Variants in GALNT17 observed in about 807,000 individuals in gnomAD.
GALNT17 encodes UDP-GalNAc:polypeptide N-acetylgalactosaminyltransferase-like 3.
In GALNT17, 29 loss-of-function variants were observed where a neutral mutation model predicts 63.7. The ratio of observed to expected loss-of-function variants is 0.46; its 90% CI spans 0.34 to 0.62. The LOEUF (loss-of-function observed/expected upper bound fraction) is 0.62. Among genes scored for constraint, GALNT17 ranks in the 20% least tolerant of loss-of-function variants. The pLI, the probability that GALNT17 is intolerant of heterozygous loss-of-function variation, is 0.01. For missense variants in GALNT17, 603 were observed against 799.6 expected (o/e 0.75, Z 2.97); for synonymous variants, 305 against 318.3 (o/e 0.96, Z 0.45).
intron 9 of GALNT17, among the ~76,000 whole-genome samples, chr7:71,683,464 A>T (rs376743782): frequency 6.6e-6 from 1 of 152,162 alleles, no homozygotes; most frequent in Non-Finnish European, 1.5e-5. Context: ...TTGGTGCTCC[A>T]CGGACATCGC....
At chr7:71,569,000 C>T (rs1789394046) in intron 5 of GALNT17, among the ~76,000 whole-genome samples, 1 of 152,120 alleles carries the variant, frequency 6.6e-6, no homozygotes, top group South Asian at 2.1e-4. Context: ...GAGATGGAGC[C>T]TCACTCTGTT....
chr7:71,678,647 T>C (rs1791187671), intron 9 of GALNT17, among the ~76,000 whole-genome samples: 1 of 151,616 alleles, frequency 6.6e-6, no homozygotes. Flanking sequence ...TACAAAAAAT[T>C]AGCTGGGCGT....
At chr7:71,465,424 A>T (rs1787519441) in intron 5 of GALNT17, among the ~76,000 whole-genome samples, 1 of 152,216 alleles carries the variant, frequency 6.6e-6, no homozygotes, top group Non-Finnish European at 1.5e-5. Flanking sequence ...CCACTGTTAC[A>T]CAACATAATT....
intron 1 of GALNT17, among the ~76,000 whole-genome samples, chr7:71,232,536 T>A (rs1789810669): frequency 6.6e-6 from 1 of 152,094 alleles, no homozygotes; most frequent in Non-Finnish European, 1.5e-5. Context: ...GCAGGGCAGG[T>A]GAGCCCTAAA....
chr7:71,402,164 A>G (rs1009953925), intron 3 of GALNT17, among the ~76,000 whole-genome samples: 1 of 152,244 alleles, frequency 6.6e-6, no homozygotes, highest in Non-Finnish European at 1.5e-5. Context: ...CAAGGCACAT[A>G]GTGCAAGTCC....
intron 3 of GALNT17, among the ~76,000 whole-genome samples, chr7:71,388,620 G>A (rs1013620415): frequency 8.6e-5 from 13 of 151,734 alleles, no homozygotes; most frequent in African/African-American, 2.2e-4. Context: ...TCCACCTCCC[G>A]GGTTCAAGCG....
intron 8 of GALNT17, among the ~76,000 whole-genome samples, chr7:71,675,798 C>T (rs565758656): frequency 2.0e-5 from 3 of 152,068 alleles, no homozygotes; most frequent in African/African-American, 7.2e-5. Flanking sequence ...ATCAGCCTGG[C>T]CAACGTGGTG....
chr7:71,146,037 A>G (rs1435740084), intron 1 of GALNT17, among the ~76,000 whole-genome samples: 1 of 151,766 alleles, frequency 6.6e-6, no homozygotes, highest in African/African-American at 2.4e-5. Context: ...GAATATTTCT[A>G]TCCCTTTCCA....
At chr7:71,321,717 C>T (rs1284562276) in intron 1 of GALNT17, among the ~76,000 whole-genome samples, 2 of 150,772 alleles carry the variant, frequency 1.3e-5, no homozygotes, top group East Asian at 2.0e-4. Context: ...AAGCAGTTCT[C>T]TTGCCTCAGC....
chr7:71,221,033 T>A (rs1166916236), intron 1 of GALNT17, among the ~76,000 whole-genome samples: 1 of 152,202 alleles, frequency 6.6e-6, no homozygotes, highest in Non-Finnish European at 1.5e-5. Context: ...GTGTGCATGC[T>A]GGGCGCTGAG....
intron 2 of GALNT17, among the ~76,000 whole-genome samples, chr7:71,369,190 T>C (rs1036980007): frequency 2.6e-5 from 4 of 152,212 alleles, no homozygotes; most frequent in Non-Finnish European, 4.4e-5. Context: ...GTTACATTGA[T>C]TAATGTATTA....
intron 1 of GALNT17, among the ~76,000 whole-genome samples, chr7:71,234,426 A>T (rs923857995): frequency 9.9e-5 from 15 of 151,832 alleles, no homozygotes; most frequent in Admixed American, 6.6e-5. Flanking sequence ...ACACCCAGCT[A>T]ATTTTTTGTA....
At chr7:71,343,022 A>G (rs1792032510) in intron 2 of GALNT17, among the ~76,000 whole-genome samples, 1 of 152,222 alleles carries the variant, frequency 6.6e-6, no homozygotes, top group Non-Finnish European at 1.5e-5. Context: ...GTGAATTTTG[A>G]GATAAATTTG....
At chr7:71,380,290 G>T (rs936388614) in intron 2 of GALNT17, among the ~76,000 whole-genome samples, 2 of 152,050 alleles carry the variant, frequency 1.3e-5, no homozygotes, top group East Asian at 3.9e-4. Context: ...AGCCAATTAA[G>T]GCTGTGGAAA....
At chr7:71,137,951 A>C (rs1787818512) in intron 1 of GALNT17, among the ~76,000 whole-genome samples, 1 of 152,242 alleles carries the variant, frequency 6.6e-6, no homozygotes, top group South Asian at 2.1e-4. Context: ...CAGAAGGCTT[A>C]CTGGTAACAT....
chr7:71,572,028 AT>A (rs1562695718), intron 6 of GALNT17, among the ~76,000 whole-genome samples: 1 of 151,802 alleles, frequency 6.6e-6, no homozygotes, highest in African/African-American at 2.4e-5. Flanking sequence ...TCACAAAGGC[AT>A]TTGTGGTTTA....
rs561383417 is a variant in GALNT17 at position 71,134,835 on chromosome 7, GTTTTTTTTTTTT to G, written c.238+1815_238+1826del. Among the ~76,000 whole-genome samples the G allele has an allele frequency of 1.8e-3, 106 of 57,914 alleles. 1 individual carries two copies. In the Admixed American group the frequency reaches 0.021, roughly 11 times the overall value. 38.0% of individuals were successfully genotyped at this position (57,914 alleles called of 152,430 possible). A position where few individuals can be genotyped will look rare whatever the true frequency, so the allele number is the denominator to read the frequency against. On this transcript the variant is annotated intron_variant, in intron 1 of 10. Transcript: ENST00000333538. ...TTAGTATCAGTTTCTTTGTTTTATG[GTTTTTTTTTTTT>G]TTTTTTTTTTTTTTTTTTTGAGACA...
rs558480874 is a variant in GALNT17 at position 71,186,799 on chromosome 7, A to G, written c.238+53759A>G. Among the ~76,000 whole-genome samples, 8 of 152,348 alleles carry G rather than the reference A, an allele frequency of 5.3e-5. No individual in the cohort carries two copies. The East Asian group carries it at 9.6e-4, about 18-fold the overall frequency. ...AACCAACTCAGCTATCTGGTCATGT[A>G]CATCCAGACTGGTGCTCTACTGGGA... On this transcript the variant is annotated intron_variant, in intron 1 of 10. Coordinates refer to ENST00000333538, the MANE Select transcript of GALNT17 (RefSeq NM_022479.3).
chr7:71,611,275 T>C (rs1162310724), intron 6 of GALNT17, among the ~76,000 whole-genome samples: 1 of 152,168 alleles, frequency 6.6e-6, no homozygotes, highest in African/African-American at 2.4e-5. Flanking sequence ...TACTGTCTGA[T>C]TGAAATCTGT....
Sources: allele counts gnomAD v4.1 joint callset (sites outside exome capture counted in the v4.1 genomes callset), GRCh38; gene constraint gnomAD v4.1.1; transcripts MANE v1.5; gene names NCBI Gene and HGNC (gene_info 2026-07-23, HGNC 2026-07-21).